The following CNTNAP2 variants were observed in gnomAD, a reference collection of about 807,000 sequenced individuals.
CNTNAP2 encodes contactin associated protein 2.
CNTNAP2 carries 98 observed loss-of-function variants against 155.2 expected under a neutral mutation model. The observed-to-expected ratio is 0.63, with a 90% confidence interval of 0.54 to 0.75. The LOEUF (loss-of-function observed/expected upper bound fraction) is 0.75. Among genes scored for constraint, CNTNAP2 ranks in the 30% least tolerant of loss-of-function variants. The pLI is 0.00. For synonymous variants in CNTNAP2, 651 were observed against 631.2 expected (o/e 1.03, Z -0.47); for missense variants, 1,727 against 1,688.1 (o/e 1.02, Z -0.40).
chr7:146,170,626 A>C (rs1054517882), intron 1 of CNTNAP2, among the ~76,000 whole-genome samples: 1 of 152,200 alleles, frequency 6.6e-6, no homozygotes, highest in Non-Finnish European at 1.5e-5. Context: ...CTAATTTTTA[A>C]AAAATTGAAG....
At chr7:147,801,595 C>A (rs1356883668) in intron 13 of CNTNAP2, among the ~76,000 whole-genome samples, 2 of 151,880 alleles carry the variant, frequency 1.3e-5, no homozygotes, top group Non-Finnish European at 2.9e-5. Flanking sequence ...ATCCATTTAA[C>A]CCTGAGTGGA....
chr7:147,779,820 A>G (rs1437551849), intron 13 of CNTNAP2, among the ~76,000 whole-genome samples: 1 of 152,214 alleles, frequency 6.6e-6, no homozygotes, highest in Non-Finnish European at 1.5e-5. Context: ...CTTTTCAACT[A>G]GTTTCCTTAT....
intron 8 of CNTNAP2, among the ~76,000 whole-genome samples, chr7:147,186,679 G>A (rs1212215935): frequency 6.6e-6 from 1 of 152,078 alleles, no homozygotes; most frequent in Non-Finnish European, 1.5e-5. Context: ...CATAAACTTA[G>A]GCAAACAGAA....
At chr7:146,609,015 A>G (rs994062594) in intron 1 of CNTNAP2, among the ~76,000 whole-genome samples, 1 of 152,204 alleles carries the variant, frequency 6.6e-6, no homozygotes, top group African/African-American at 2.4e-5. Flanking sequence ...GTAGTACTAT[A>G]GAACTGCTTT....
At position 146,874,916 on chromosome 7, in the gene CNTNAP2, G is replaced by A. The variant is rs192004393; in HGVS notation, c.402+35012G>A. On this transcript the variant is annotated intron_variant, in intron 3 of 23. Transcript: ENST00000361727. ...CATTTTATTTTTAAAAGCCTATTGT[G>A]CAATCATTCTTGCCAATTTCTCTTG... is the stretch of plus-strand genomic sequence containing the variant. Among the ~76,000 whole-genome samples the A allele has an allele frequency of 1.3e-4, 20 of 152,212 alleles. No individual in the cohort carries two copies. In the East Asian group the frequency reaches 3.3e-3, roughly 25 times the overall value.
intron 3 of CNTNAP2, among the ~76,000 whole-genome samples, chr7:146,999,680 C>G (rs1798385190): frequency 6.6e-6 from 1 of 151,956 alleles, no homozygotes; most frequent in Non-Finnish European, 1.5e-5. Flanking sequence ...AGTTTTTTCC[C>G]CCAGCACTTT....
At chr7:146,341,727 A>C (rs2129096680) in intron 1 of CNTNAP2, among the ~76,000 whole-genome samples, 1 of 149,128 alleles carries the variant, frequency 6.7e-6, no homozygotes, top group Admixed American at 6.6e-5. Context: ...AAACAAAAAC[A>C]AAAAAAACCC....
intron 1 of CNTNAP2, among the ~76,000 whole-genome samples, chr7:146,678,368 C>T (rs1249811446): frequency 6.6e-6 from 1 of 152,094 alleles, no homozygotes; most frequent in East Asian, 1.9e-4. Flanking sequence ...GCTACCACAC[C>T]CAGCCATAAT....
chr7:147,667,539 C>T (rs1410259591), intron 13 of CNTNAP2, among the ~76,000 whole-genome samples: 1 of 152,110 alleles, frequency 6.6e-6, no homozygotes, highest in Non-Finnish European at 1.5e-5. Context: ...TGACCCAGCT[C>T]CTTTCCAAGA....
At chr7:146,633,850 A>C (rs1318632978) in intron 1 of CNTNAP2, among the ~76,000 whole-genome samples, 4 of 150,718 alleles carry the variant, frequency 2.7e-5, no homozygotes, top group East Asian at 1.9e-4. Flanking sequence ...AAAAAAAAAA[A>C]AAAAAACAGA....
chr7:148,120,413 C>T (rs764274044), intron 16 of CNTNAP2, among the ~76,000 whole-genome samples: 2 of 151,816 alleles, frequency 1.3e-5, no homozygotes, highest in African/African-American at 4.8e-5. Context: ...ACTACAGGTG[C>T]GTGGCACTGC....
At chr7:146,177,262 G>T (rs139950570) in intron 1 of CNTNAP2, among the ~76,000 whole-genome samples, 2 of 152,236 alleles carry the variant, frequency 1.3e-5, no homozygotes, top group South Asian at 4.2e-4. Flanking sequence ...TTCTTTTGCT[G>T]TATTGATTTA....
At chr7:148,282,707 G>T (rs576577334) in intron 21 of CNTNAP2, among the ~76,000 whole-genome samples, 2 of 151,984 alleles carry the variant, frequency 1.3e-5, no homozygotes, top group African/African-American at 4.8e-5. Context: ...ATCTTTCCAT[G>T]GTTTCCAAAA....
At chr7:147,401,736 T>C (rs963839851) in intron 10 of CNTNAP2, among the ~76,000 whole-genome samples, 1 of 152,162 alleles carries the variant, frequency 6.6e-6, no homozygotes, top group African/African-American at 2.4e-5. Flanking sequence ...TGAGATCTGA[T>C]AGTTTAAAAG....
chr7:146,285,678 T>C (rs1212317675), intron 1 of CNTNAP2, among the ~76,000 whole-genome samples: 16 of 86,842 alleles, frequency 1.8e-4, no homozygotes, highest in African/African-American at 7.5e-4. Flanking sequence ...CCCCTCCTCT[T>C]CCCTCATCTC....
At chr7:147,626,825 C>T (rs1029340031) in intron 12 of CNTNAP2, among the ~76,000 whole-genome samples, 3 of 152,152 alleles carry the variant, frequency 2.0e-5, no homozygotes, top group African/African-American at 7.2e-5. Flanking sequence ...CTGAGCGTGT[C>T]CCTGTGAAAA....
intron 3 of CNTNAP2, among the ~76,000 whole-genome samples, chr7:146,874,986 A>G (rs1431494593): frequency 6.6e-6 from 1 of 152,198 alleles, no homozygotes; most frequent in Non-Finnish European, 1.5e-5. Flanking sequence ...GAACTGTTCT[A>G]CATCAACGTC....
At chr7:147,569,130 T>C (rs761220173) in intron 12 of CNTNAP2, among the ~76,000 whole-genome samples, 4 of 152,252 alleles carry the variant, frequency 2.6e-5, no homozygotes, top group African/African-American at 4.8e-5. Flanking sequence ...ATTTAGCTGA[T>C]CAAATTCTAT....
At chr7:148,154,845 G>A (rs959510263) in intron 17 of CNTNAP2, among the ~76,000 whole-genome samples, 9 of 152,092 alleles carry the variant, frequency 5.9e-5, no homozygotes, top group Non-Finnish European at 1.0e-4. Context: ...GCTGAGGCAG[G>A]AGAATAGCTT....
Sources: allele counts gnomAD v4.1 joint callset (sites outside exome capture counted in the v4.1 genomes callset), GRCh38; gene constraint gnomAD v4.1.1; transcripts MANE v1.5; gene names NCBI Gene and HGNC (gene_info 2026-07-23, HGNC 2026-07-21).